CNKSR3: variants seen among roughly 807,000 people sequenced by gnomAD.
The protein encoded by CNKSR3 is CNKSR family member 3.
CNKSR3 carries 36 observed loss-of-function variants against 67.7 expected under a neutral mutation model. The observed-to-expected ratio is 0.53, with a 90% confidence interval of 0.41 to 0.70. The LOEUF is 0.70. CNKSR3 is among the 30% of genes least tolerant of loss of function. The pLI is 0.00. For synonymous variants in CNKSR3, 281 were observed against 271.4 expected, an observed-to-expected ratio of 1.04 and a Z score of -0.35; for missense variants, 630 against 695.2, an observed-to-expected ratio of 0.91 and a Z score of 1.05.
intron 1 of CNKSR3, among the ~76,000 whole-genome samples, chr6:154,490,044 A>G (rs1447665038): frequency 2.0e-5 from 3 of 152,056 alleles, no homozygotes; most frequent in Non-Finnish European, 4.4e-5. Flanking sequence ...CTGTCAGCCC[A>G]AACTCCCATC....
Position 154,406,257 on chromosome 6 carries a change from C to G in CNKSR3, c.*97G>C. On this transcript the variant is annotated 3_prime_UTR_variant, in exon 13 of 13. Coordinates refer to ENST00000607772, the MANE Select transcript of CNKSR3 (RefSeq NM_173515.4). ...AAGAAAAAGAAATTGCATAAGGTCC[C>G]TACATAATACTGAGGCTGAAACGAG... is the stretch of plus-strand genomic sequence containing the variant. 1 of 1,151,766 alleles carries G rather than the reference C, an allele frequency of 8.7e-7. No individual in the cohort carries two copies. The highest frequency in any genetic ancestry group is 1.6e-5 in the South Asian group (1 of 63,314). 71.3% of individuals were successfully genotyped at this position (1,151,766 alleles called of 1,614,324 possible). A position where few individuals can be genotyped will look rare whatever the true frequency, so the allele number is the denominator to read the frequency against.
rs553800256 is a variant in CNKSR3 at position 154,406,253 on chromosome 6, G to T, written c.*101C>A. 2.8e-6 allele frequency: 3 copies of T among 1,074,708 alleles called. No homozygotes were observed. The highest frequency in any genetic ancestry group is 4.0e-6 in the Non-Finnish European group (3 of 752,886). 66.6% of individuals were successfully genotyped at this position (1,074,708 alleles called of 1,614,324 possible). The stretch of plus-strand genomic sequence containing the variant: ...TCAAAAGAAAAAGAAATTGCATAAG[G>T]TCCCTACATAATACTGAGGCTGAAA... On this transcript the variant is annotated 3_prime_UTR_variant, in exon 13 of 13. Transcript: ENST00000607772.
Position 154,498,769 on chromosome 6 carries a change from G to A in CNKSR3, c.52+11294C>T, listed in dbSNP as rs111264238. Among the ~76,000 whole-genome samples the A allele has an allele frequency of 5.4e-3, 821 of 152,210 alleles. 7 individuals are homozygous for A. The highest frequency in any genetic ancestry group is 0.019 in the African/African-American group (774 of 41,510). ...TCTACACTGATTCAACGTTCACAAC[G>A]CCCACCTACTAAGACAAAAGAGCTT... On this transcript the variant is annotated intron_variant, in intron 1 of 12. Transcript: ENST00000607772.
intron 1 of CNKSR3, among the ~76,000 whole-genome samples, chr6:154,474,405 T>C (rs1786397843): frequency 8.2e-6 from 1 of 121,614 alleles, no homozygotes; most frequent in African/African-American, 4.1e-5. Context: ...AAAGCAAGAC[T>C]CCGTCTCAAA....
rs1171441737 is a variant in CNKSR3, at chr6:154,406,313, T to C, written c.*41A>G. On this transcript the variant is annotated 3_prime_UTR_variant, in exon 13 of 13. Coordinates refer to ENST00000607772, the MANE Select transcript of CNKSR3 (RefSeq NM_173515.4). ...GCTGTCCACTGTAAAAGCAAGGCAC[T>C]TGGGGCAGGAGCCAGGCAGGTGGCC... 2 of 1,568,636 alleles carry C rather than the reference T, an allele frequency of 1.3e-6. No homozygotes were observed. Among genetic ancestry groups the C allele is most frequent in the Admixed American group, 1.8e-5 (1 of 54,104 alleles).
intron 1 of CNKSR3, among the ~76,000 whole-genome samples, chr6:154,501,352 T>A (rs1786989996): frequency 2.0e-5 from 3 of 152,064 alleles, no homozygotes; most frequent in Admixed American, 2.0e-4. Context: ...ATACTGTCAC[T>A]CTCTGCTTTC....
At chr6:154,479,110 C>G (rs1462152151) in intron 1 of CNKSR3, among the ~76,000 whole-genome samples, 2 of 146,508 alleles carry the variant, frequency 1.4e-5, no homozygotes, top group Non-Finnish European at 1.5e-5. Context: ...ACAGCCTATA[C>G]CCCCCCATCC....
At chr6:154,467,131 A>T (rs1786220324) in intron 1 of CNKSR3, among the ~76,000 whole-genome samples, 1 of 152,114 alleles carries the variant, frequency 6.6e-6, no homozygotes, top group Non-Finnish European at 1.5e-5. Context: ...GTCTTTAAGT[A>T]AAACAACAGC....
chr6:154,427,997 A>G, intron 7 of CNKSR3, 131 bp downstream of exon 7: 1 of 652,394 alleles, frequency 1.5e-6, no homozygotes, highest in Admixed American at 2.4e-5. Context: ...CAACAGAAAT[A>G]AACAAAGCAG....
At chr6:154,446,713 C>G (rs1785714139) in intron 2 of CNKSR3, among the ~76,000 whole-genome samples, 1 of 152,116 alleles carries the variant, frequency 6.6e-6, no homozygotes, top group African/African-American at 2.4e-5. Flanking sequence ...CCTCCTTCAA[C>G]CTTCAAAACA....
chr6:154,501,293 A>G (rs1196382035), intron 1 of CNKSR3, among the ~76,000 whole-genome samples: 2 of 152,190 alleles, frequency 1.3e-5, no homozygotes, highest in African/African-American at 4.8e-5. Context: ...GATTTCCTGA[A>G]TTCATTTCTG....
rs910695563 is a variant in CNKSR3, at chr6:154,435,922, G to C, written c.508-2415C>G. Among the ~76,000 whole-genome samples, 15 of 152,406 alleles carry C rather than the reference G, an allele frequency of 9.8e-5. 2 individuals carry two copies. Among genetic ancestry groups the C allele is most frequent in the Admixed American group, 1.3e-4 (2 of 15,314 alleles). Reference sequence around the variant, plus strand: ...CTGAGATTTGCTGAGAATTCGGTGTGATGGCACGCGTCAAGTGTGAATGCA... The same window carrying C: ...CTGAGATTTGCTGAGAATTCGGTGTCATGGCACGCGTCAAGTGTGAATGCA... On this transcript the variant is annotated intron_variant, in intron 4 of 12. Transcript: ENST00000607772.
intron 1 of CNKSR3, among the ~76,000 whole-genome samples, chr6:154,487,324 C>T (rs1039884942): frequency 6.6e-6 from 1 of 152,130 alleles, no homozygotes; most frequent in East Asian, 1.9e-4. Context: ...TAAAATATGG[C>T]TGATATTATG....
intron 1 of CNKSR3, among the ~76,000 whole-genome samples, chr6:154,495,979 G>A (rs1166147673): frequency 1.3e-5 from 2 of 152,094 alleles, no homozygotes; most frequent in East Asian, 3.9e-4. Context: ...CTATTATCTA[G>A]TGAATTCAGA....
rs369227386 is a variant in CNKSR3 at position 154,422,056 on chromosome 6, G to A, written c.945+450C>T. Among the ~76,000 whole-genome samples the A allele has an allele frequency of 8.9e-5, 13 of 146,628 alleles. No individual in the cohort carries two copies. The South Asian group carries it at 1.3e-3, about 14-fold the overall frequency. On this transcript the variant is annotated intron_variant, in intron 9 of 12. Coordinates refer to ENST00000607772, the MANE Select transcript of CNKSR3 (RefSeq NM_173515.4). ...CGTCCAGGCTGGAGTGCAATGGCAC[G>A]ATCTTGGCTCACTGCAAGCTCCGCC... is the stretch of plus-strand genomic sequence containing the variant.
At chr6:154,420,929 ATGTT>A (rs550195608) in intron 9 of CNKSR3, among the ~76,000 whole-genome samples, 33 of 152,256 alleles carry the variant, frequency 2.2e-4, no homozygotes, top group African/African-American at 7.5e-4. Context: ...ATTTTAAAAT[ATGTT>A]TGGTCATTAT....
chr6:154,487,136 G>A (rs866345876), intron 1 of CNKSR3, among the ~76,000 whole-genome samples: 34 of 152,262 alleles, frequency 2.2e-4, no homozygotes, highest in Middle Eastern at 3.4e-3. Context: ...AAAGGATGTG[G>A]GATCCAGTTT....
At chr6:154,496,080 C>A (rs1786872781) in intron 1 of CNKSR3, among the ~76,000 whole-genome samples, 1 of 152,168 alleles carries the variant, frequency 6.6e-6, no homozygotes, top group Non-Finnish European at 1.5e-5. Context: ...ATGCGGCCGT[C>A]ACTATACATG....
intron 1 of CNKSR3, among the ~76,000 whole-genome samples, chr6:154,464,890 C>T (rs1351045952): frequency 6.6e-6 from 1 of 151,718 alleles, no homozygotes; most frequent in Non-Finnish European, 1.5e-5. Context: ...ACCTGTAATC[C>T]CAGCACTTTG....
Sources: allele counts gnomAD v4.1 joint callset (sites outside exome capture counted in the v4.1 genomes callset), GRCh38; gene constraint gnomAD v4.1.1; transcripts MANE v1.5; gene names NCBI Gene and HGNC (gene_info 2026-07-23, HGNC 2026-07-21).